Variants in EPHA6 observed in about 807,000 individuals in gnomAD.
EPHA6 encodes the protein ephrin type-A receptor 6.
Under a neutral mutation model 112.0 loss-of-function variants are expected in EPHA6, and 50 were observed. The ratio of observed to expected loss-of-function variants is 0.45; its 90% CI spans 0.36 to 0.56. EPHA6 has a LOEUF of 0.56. EPHA6 is among the 20% of genes least tolerant of loss of function. EPHA6 has a pLI of 0.00. For missense variants in EPHA6, 1,280 were observed against 1,417.4 expected, an observed-to-expected ratio of 0.90 and a Z score of 1.56; for synonymous variants, 529 against 490.7, an observed-to-expected ratio of 1.08 and a Z score of -1.03.
At chr3:97,610,888 G>A in intron 13 of EPHA6, 34 bp downstream of exon 13, 1 of 1,472,290 alleles carries the variant, frequency 6.8e-7, no homozygotes, top group Non-Finnish European at 9.5e-7. Context: ...ATTTAAATAA[G>A]CTATTCTCAG....
In EPHA6 at chr3:96,856,693, A is replaced by G. The variant is rs577602031; in HGVS notation, c.386-10132A>G. On this transcript the variant is annotated intron_variant, in intron 1 of 17. Transcript: ENST00000389672. The stretch of plus-strand genomic sequence containing the variant: ...AAGAGCTTTAAAATGGGTAGATACA[A>G]TCATTCATTTATTAAGTGGAAATAG... Among the ~76,000 whole-genome samples, 18 of 152,246 alleles carry G rather than the reference A, an allele frequency of 1.2e-4. No individual in the cohort carries two copies. In the South Asian group the frequency reaches 3.3e-3, roughly 28 times the overall value.
chr3:97,046,896 G>T (rs1346837787), intron 3 of EPHA6, among the ~76,000 whole-genome samples: 2 of 151,978 alleles, frequency 1.3e-5, no homozygotes, highest in Admixed American at 1.3e-4. Flanking sequence ...ATACTAAAAT[G>T]GATGAATGTA....
At chr3:96,913,191 C>A (rs949282948) in intron 2 of EPHA6, among the ~76,000 whole-genome samples, 1 of 137,810 alleles carries the variant, frequency 7.3e-6, no homozygotes, top group African/African-American at 2.6e-5. Flanking sequence ...CACACACACA[C>A]ACACACACAC....
At chr3:96,951,675 T>G (rs2107721963) in intron 2 of EPHA6, among the ~76,000 whole-genome samples, 1 of 152,250 alleles carries the variant, frequency 6.6e-6, no homozygotes, top group South Asian at 2.1e-4. Flanking sequence ...ATCAGATAAA[T>G]TTAAGCAACT....
chr3:97,084,109 T>TCCATATATATATATCC (rs1253715659), intron 3 of EPHA6, among the ~76,000 whole-genome samples: 29 of 122,800 alleles, frequency 2.4e-4, no homozygotes, highest in African/African-American at 8.5e-4. Flanking sequence ...TGGATATATA[T>TCCATATATATATATCC]ATATATATAT....
At chr3:97,048,981 G>A (rs1045943953) in intron 3 of EPHA6, among the ~76,000 whole-genome samples, 5 of 152,158 alleles carry the variant, frequency 3.3e-5, no homozygotes, top group African/African-American at 1.2e-4. Context: ...CGAAGGAGGT[G>A]AGGGAGTCCC....
chr3:96,944,525 G>A lies in EPHA6; in HGVS notation c.451-42805G>A, dbSNP rs1321991760. ...GGTTATTTAATGCTGTACCTATTCA[G>A]CTGGCATGTATATCAGGCATCTTAT... On this transcript the variant is annotated intron_variant, in intron 2 of 17. Coordinates refer to ENST00000389672, the MANE Select transcript of EPHA6 (RefSeq NM_001080448.3). Among the ~76,000 whole-genome samples the A allele has an allele frequency of 3.3e-5, 5 of 152,106 alleles. No individual in the cohort carries two copies. The East Asian group carries it at 7.7e-4, about 23-fold the overall frequency.
intron 14 of EPHA6, among the ~76,000 whole-genome samples, chr3:97,699,992 T>A (rs1336749472): frequency 6.6e-6 from 1 of 152,146 alleles, no homozygotes. Flanking sequence ...ATTTTGGAAG[T>A]ACAAAACCAG....
At chr3:96,937,512 T>C (rs2040663081) in intron 2 of EPHA6, among the ~76,000 whole-genome samples, 1 of 152,198 alleles carries the variant, frequency 6.6e-6, no homozygotes, top group African/African-American at 2.4e-5. Flanking sequence ...ATTAGCCCTC[T>C]GTCAAATGAG....
chr3:96,819,436 T>A (rs1482493157), intron 1 of EPHA6, among the ~76,000 whole-genome samples: 1 of 152,044 alleles, frequency 6.6e-6, no homozygotes, highest in Non-Finnish European at 1.5e-5. Flanking sequence ...TCAGTAACTC[T>A]CTCTCTTTCT....
intron 5 of EPHA6, among the ~76,000 whole-genome samples, chr3:97,299,485 A>G (rs1553741100): frequency 1.3e-5 from 2 of 152,018 alleles, no homozygotes; most frequent in Non-Finnish European, 2.9e-5. Flanking sequence ...AGTTGGAAAG[A>G]TTTTTTCATG....
chr3:97,185,994 T>C (rs1436743905), intron 3 of EPHA6, among the ~76,000 whole-genome samples: 7 of 137,838 alleles, frequency 5.1e-5, no homozygotes, highest in Admixed American at 8.2e-5. Flanking sequence ...TTCTCACTCA[T>C]AGGTGGGAAT....
At chr3:97,487,815 A>T (rs1408071374) in intron 10 of EPHA6, among the ~76,000 whole-genome samples, 1 of 152,166 alleles carries the variant, frequency 6.6e-6, no homozygotes, top group Admixed American at 6.5e-5. Context: ...GACTATCAAG[A>T]TCATCTATCT....
intron 3 of EPHA6, among the ~76,000 whole-genome samples, chr3:97,095,063 A>G (rs1377164488): frequency 6.6e-6 from 1 of 152,096 alleles, no homozygotes; most frequent in East Asian, 1.9e-4. Flanking sequence ...TGAATAAGAG[A>G]AAAGGGCTGC....
intron 7 of EPHA6, among the ~76,000 whole-genome samples, chr3:97,449,894 G>A (rs2090467517): frequency 6.6e-6 from 1 of 152,068 alleles, no homozygotes; most frequent in African/African-American, 2.4e-5. Flanking sequence ...TTCTATGACA[G>A]AAGGAATATT....
At chr3:96,844,329 A>G (rs1257310921) in intron 1 of EPHA6, among the ~76,000 whole-genome samples, 1 of 151,958 alleles carries the variant, frequency 6.6e-6, no homozygotes, top group East Asian at 1.9e-4. Flanking sequence ...TTCCCTGTGT[A>G]CTATTAGTTA....
At position 97,259,130 on chromosome 3, in the gene EPHA6, A is replaced by G. The variant is rs543190493; in HGVS notation, c.1606+14843A>G. On this transcript the variant is annotated intron_variant, in intron 5 of 17. Coordinates refer to ENST00000389672, the MANE Select transcript of EPHA6 (RefSeq NM_001080448.3). ...TCAGTAATGTTTCCTCTCATATTAAAGTTTGTATCCTTTGACTCAGAAGAA... is the reference window on the plus strand; with the variant it reads ...TCAGTAATGTTTCCTCTCATATTAAGGTTTGTATCCTTTGACTCAGAAGAA... 3.3e-5 allele frequency among the ~76,000 whole-genome samples: 5 copies of G among 152,262 alleles called. No individual in the cohort carries two copies. In the East Asian group the frequency reaches 9.7e-4, roughly 29 times the overall value.
chr3:97,484,785 C>T (rs148389135), intron 10 of EPHA6, among the ~76,000 whole-genome samples: 3 of 152,332 alleles, frequency 2.0e-5, no homozygotes, highest in African/African-American at 7.2e-5. Flanking sequence ...CTTCCCCTAG[C>T]ATGCCATCCT....
At position 97,502,042 on chromosome 3, in the gene EPHA6, A is replaced by C. The variant is rs113200476; in HGVS notation, c.2200+17983A>C. ...ATGGATCCTCACGACATTACCCCCT[A>C]TACCCAGGGCTTACGTACCACAGAG... On this transcript the variant is annotated intron_variant, in intron 10 of 17. Coordinates refer to ENST00000389672, the MANE Select transcript of EPHA6 (RefSeq NM_001080448.3). Among the ~76,000 whole-genome samples the C allele has an allele frequency of 4.5e-3, 677 of 151,944 alleles. 10 individuals carry two copies. The highest frequency in any genetic ancestry group is 0.015 in the African/African-American group (610 of 41,374).
Sources: allele counts gnomAD v4.1 joint callset (sites outside exome capture counted in the v4.1 genomes callset), GRCh38; gene constraint gnomAD v4.1.1; transcripts MANE v1.5; gene names NCBI Gene and HGNC (gene_info 2026-07-23, HGNC 2026-07-21).